The following TDRD12 variants were observed in gnomAD, a reference collection of about 807,000 sequenced individuals.
The protein encoded by TDRD12 is putative ATP-dependent RNA helicase TDRD12.
Under a neutral mutation model 133.5 loss-of-function variants are expected in TDRD12, and 158 were observed. The ratio of observed to expected loss-of-function variants is 1.18; its 90% confidence interval spans 1.04 to 1.35. The LOEUF is 1.35. Ranked by LOEUF, TDRD12 falls within the 40% of genes most tolerant of loss-of-function variation. The pLI is 0.00. For synonymous variants in TDRD12, 460 were observed against 477.9 expected (o/e 0.96, Z 0.49); for missense variants, 1,443 against 1,321.3 (o/e 1.09, Z -1.43).
chr19:32,747,683 G>T (rs551975910), intron 4 of TDRD12, among the ~76,000 whole-genome samples: 1 of 152,104 alleles, frequency 6.6e-6, no homozygotes. Flanking sequence ...GTGAGAGGGC[G>T]CTAGGGTCAG....
At chr19:32,817,969 CA>C (rs77102946) in intron 26 of TDRD12, 119 bp from the exon 27 acceptor site, 80,087 of 549,824 alleles carry the variant, frequency 0.15, 20 homozygotes, top group Middle Eastern at 0.2. Context: ...GCCTCTGTCT[CA>C]AAAAAAAAAA....
chr19:32,809,585 C>T (rs758039739), intron 22 of TDRD12, among the ~76,000 whole-genome samples: 11 of 152,236 alleles, frequency 7.2e-5, no homozygotes, highest in Non-Finnish European at 1.5e-4. Context: ...CCTGCCTACT[C>T]TAACCTGTGA....
chr19:32,818,980 T>C (rs1967285068), intron 27 of TDRD12, among the ~76,000 whole-genome samples: 1 of 152,022 alleles, frequency 6.6e-6, no homozygotes, highest in African/African-American at 2.4e-5. Flanking sequence ...TAGTGGTTGT[T>C]GGTGACCTTG....
chr19:32,778,117 A>T (rs1970660684), intron 11 of TDRD12, among the ~76,000 whole-genome samples: 1 of 151,760 alleles, frequency 6.6e-6, no homozygotes, highest in African/African-American at 2.4e-5. Flanking sequence ...GACAGGTCAG[A>T]GGTGGGGAGG....
chr19:32,815,190 C>T (rs555175735), intron 25 of TDRD12, among the ~76,000 whole-genome samples: 2 of 152,220 alleles, frequency 1.3e-5, no homozygotes, highest in Non-Finnish European at 2.9e-5. Flanking sequence ...AGGGGTTTAT[C>T]CCAGATTTGC....
intron 22 of TDRD12, 112 bp from the exon 23 acceptor site, chr19:32,809,981 C>A: frequency 1.6e-6 from 1 of 639,506 alleles, no homozygotes; most frequent in Non-Finnish European, 2.3e-6. Context: ...ATCCACGTTG[C>A]TAAGCTTTGG....
intron 8 of TDRD12, among the ~76,000 whole-genome samples, chr19:32,761,177 C>T (rs1970139406): frequency 6.6e-6 from 1 of 152,170 alleles, no homozygotes; most frequent in South Asian, 2.1e-4. Flanking sequence ...AGTGCAGTGG[C>T]ACATCTCAGC....
chr19:32,803,620 G>A (rs1971462068), intron 21 of TDRD12, among the ~76,000 whole-genome samples: 3 of 152,122 alleles, frequency 2.0e-5, no homozygotes, highest in Non-Finnish European at 4.4e-5. Flanking sequence ...TTGGGTAGAC[G>A]CTCCAGAGGG....
intron 11 of TDRD12, among the ~76,000 whole-genome samples, chr19:32,784,849 T>C (rs952885572): frequency 6.6e-6 from 1 of 152,222 alleles, no homozygotes; most frequent in African/African-American, 2.4e-5. Flanking sequence ...TCATTTTTTA[T>C]TGTGTCTATT....
At chr19:32,800,102 T>C in intron 16 of TDRD12, 65 bp from the exon 17 acceptor site, 1 of 930,266 alleles carries the variant, frequency 1.1e-6, no homozygotes, top group Non-Finnish European at 1.6e-6. Flanking sequence ...TTACATTTTA[T>C]GTTCTGCCAC....
chr19:32,790,828 CT>C (rs1019723151), intron 12 of TDRD12, 135 bp from the exon 13 acceptor site: 234 of 1,360,256 alleles, frequency 1.7e-4, no homozygotes, highest in South Asian at 2.5e-4. Context: ...TTTTTTTTTT[CT>C]TTTTTTTTAA....
intron 6 of TDRD12, among the ~76,000 whole-genome samples, chr19:32,751,716 A>G (rs906521470): frequency 1.2e-4 from 19 of 152,066 alleles, no homozygotes; most frequent in Non-Finnish European, 7.3e-5. Flanking sequence ...AGTAGCTGAG[A>G]CTATAGGTGG....
chr19:32,807,364 C>A (rs1405085371), intron 21 of TDRD12, among the ~76,000 whole-genome samples, 185 bp from the exon 22 acceptor site: 1 of 146,894 alleles, frequency 6.8e-6, no homozygotes, highest in Non-Finnish European at 1.5e-5. Context: ...AATGTAAAAT[C>A]CATTTTCACT....
At chr19:32,787,129 T>C (rs1234541415) in intron 11 of TDRD12, among the ~76,000 whole-genome samples, 1 of 151,462 alleles carries the variant, frequency 6.6e-6, no homozygotes, top group Non-Finnish European at 1.5e-5. Flanking sequence ...GTCCTTTTTG[T>C]TGATGTTGAT....
At chr19:32,809,631 T>C (rs1211352059) in intron 22 of TDRD12, among the ~76,000 whole-genome samples, 4 of 152,188 alleles carry the variant, frequency 2.6e-5, no homozygotes, top group Non-Finnish European at 5.9e-5. Context: ...AGCTGTGGCC[T>C]CTCTGTCCAC....
intron 2 of TDRD12, among the ~76,000 whole-genome samples, chr19:32,734,308 A>C (rs1319098270): frequency 6.6e-6 from 1 of 152,100 alleles, no homozygotes; most frequent in Non-Finnish European, 1.5e-5. Context: ...GTGCCTAGTT[A>C]TCACATTTTT....
intron 8 of TDRD12, among the ~76,000 whole-genome samples, chr19:32,761,373 G>A (rs1228327498): frequency 3.9e-5 from 6 of 151,910 alleles, no homozygotes; most frequent in Admixed American, 1.3e-4. Context: ...CTCGTGATCC[G>A]CCCGCCTCGG....
intron 4 of TDRD12, among the ~76,000 whole-genome samples, chr19:32,746,271 A>C (rs1969622119): frequency 6.8e-6 from 1 of 146,896 alleles, no homozygotes; most frequent in African/African-American, 2.6e-5. Context: ...AGAGAGAGAG[A>C]GTCTGGCTGA....
At chr19:32,808,951 ATAT>A (rs1363547042) in intron 22 of TDRD12, among the ~76,000 whole-genome samples, 8 of 151,926 alleles carry the variant, frequency 5.3e-5, no homozygotes, top group Admixed American at 3.9e-4. Flanking sequence ...TTATTTTTAT[ATAT>A]TATTATACAT....
Sources: allele counts gnomAD v4.1 joint callset (sites outside exome capture counted in the v4.1 genomes callset), GRCh38; gene constraint gnomAD v4.1.1; transcripts MANE v1.5; gene names NCBI Gene and HGNC (gene_info 2026-07-23, HGNC 2026-07-21).